The following MAVS variants were observed in gnomAD, a reference collection of about 807,000 sequenced individuals.
The protein encoded by MAVS is mitochondrial antiviral-signaling protein.
Under a neutral mutation model 30.2 loss-of-function variants are expected in MAVS, and 20 were observed. The observed-to-expected ratio is 0.66, with a 90% CI of 0.47 to 0.96. MAVS has a LOEUF of 0.96. Ranked by LOEUF, MAVS falls within the 40% of genes least tolerant of loss-of-function variation. The pLI, the probability that MAVS is intolerant of heterozygous loss-of-function variation, is 0.00. For missense variants in MAVS, 624 were observed against 701.1 expected, an observed-to-expected ratio of 0.89 and a Z score of 1.24; for synonymous variants, 278 against 293.9, an observed-to-expected ratio of 0.95 and a Z score of 0.55.
At position 3,853,253 on chromosome 20, in the gene MAVS, G is replaced by A. The variant is rs2089778028; in HGVS notation, c.-67-1305G>A. On this transcript the variant is annotated intron_variant, in intron 1 of 6. Transcript: ENST00000428216. ...TGTAATCCCAGCACTTTGGGAGGCC[G>A]AGGCGGGCGCATCACGAGGTCAGTA... Among the ~76,000 whole-genome samples, 4 of 150,714 alleles carry A rather than the reference G, an allele frequency of 2.7e-5. No individual in the cohort carries two copies. In the South Asian group the frequency reaches 6.3e-4, roughly 24 times the overall value.
At position 3,855,897 on chromosome 20, in the gene MAVS, G is replaced by GCCT. The variant is rs545405302; in HGVS notation, c.117+1160_117+1162dup. On this transcript the variant is annotated intron_variant, in intron 2 of 6. Transcript: ENST00000428216. ...GGGTTCAAGTGATTCTCGCGCCTCA[G>GCCT]CCTCCTGAGTAGCTGGGGTTACAGG... is the stretch of plus-strand genomic sequence containing the variant. Among the ~76,000 whole-genome samples the GCCT allele has an allele frequency of 5.7e-4, 87 of 152,160 alleles. 1 individual carries two copies. The highest frequency in any genetic ancestry group is 1.1e-3 in the Non-Finnish European group (76 of 68,018).
chr20:3,861,296 A>T (rs1236062087), intron 3 of MAVS, 36 bp from the exon 4 acceptor site: 1 of 1,574,664 alleles, frequency 6.4e-7, no homozygotes, highest in Non-Finnish European at 8.6e-7. Context: ...CCCAGCCCTG[A>T]TTCCTTCTTG....
At chr20:3,849,586 T>C (rs1440196104) in intron 1 of MAVS, among the ~76,000 whole-genome samples, 1 of 152,194 alleles carries the variant, frequency 6.6e-6, no homozygotes, top group Non-Finnish European at 1.5e-5. Flanking sequence ...TTTAGGACTT[T>C]TGCATTTACC....
At chr20:3,858,664 CA>C (rs1286736257) in intron 3 of MAVS, among the ~76,000 whole-genome samples, 351 of 64,598 alleles carry the variant, frequency 5.4e-3, no homozygotes, top group African/African-American at 0.012. Flanking sequence ...GATTCCATCT[CA>C]AAAAAAAAAA....
Position 3,869,724 on chromosome 20 carries a change from C to G in MAVS, c.*3577C>G, listed in dbSNP as rs1428862272. ...GGTTCAAGCAATTCTCCTGCCTCAG[C>G]CTCCCGAGTAGCTGGGATTACAGAG... On this transcript the variant is annotated 3_prime_UTR_variant, in exon 7 of 7. Transcript: ENST00000428216. 2 of 152,270 alleles carry G rather than the reference C, an allele frequency of 1.3e-5. No homozygotes were observed. The highest frequency in any genetic ancestry group is 4.8e-5 in the African/African-American group (2 of 41,420). The allele number at this position is 152,270 out of a possible 1,614,324, so 9.4% of individuals were successfully genotyped here.
intron 4 of MAVS, 37 bp downstream of exon 4, chr20:3,861,541 G>T (rs1800597474): frequency 3.8e-6 from 6 of 1,599,322 alleles, no homozygotes; most frequent in South Asian, 1.1e-5. Flanking sequence ...CACCACTTTT[G>T]TGTTCCTATC....
In MAVS at chr20:3,865,867, G is replaced by T. The variant is rs761926389; in HGVS notation, c.1343G>T (p.Gly448Val). The change falls in exon 7 of 7, where the codon GGC (glycine) becomes GTC (valine). Residue 448 changes from glycine to valine, a missense_variant. Transcript: ENST00000428216. The surrounding 1 kb of genome is among the most constrained non-coding windows in gnomAD (Gnocchi z 4.7). ...DLAISASTSLGMGPCHGPEEN... is the reference protein window; with the variant it reads ...DLAISASTSLVMGPCHGPEEN... ...GCCATCAGTGCCAGCACCTCCTTGGGCATGGGGCCCTGCCATGGCCCAGAG... is the reference window on the plus strand; with the variant it reads ...GCCATCAGTGCCAGCACCTCCTTGGTCATGGGGCCCTGCCATGGCCCAGAG... The T allele has an allele frequency of 6.2e-7, 1 of 1,614,062 alleles. No homozygotes were observed. The highest frequency in any genetic ancestry group is 8.5e-7 in the Non-Finnish European group (1 of 1,180,030).
At chr20:3,863,591 A>G (rs998079245) in intron 5 of MAVS, among the ~76,000 whole-genome samples, 8 of 152,038 alleles carry the variant, frequency 5.3e-5, no homozygotes, top group Non-Finnish European at 8.8e-5. Flanking sequence ...GGAGCTGTAC[A>G]TCAGAATCAC....
chr20:3,861,606 C>A, intron 4 of MAVS, 102 bp downstream of exon 4: 1 of 1,247,636 alleles, frequency 8.0e-7, no homozygotes, highest in Non-Finnish European at 1.1e-6. Flanking sequence ...CCCTATAAAT[C>A]ACGCCTAATC....
chr20:3,864,612 A>G lies in MAVS; in HGVS notation c.982A>G (p.Thr328Ala), dbSNP rs370132622. Residue 328 changes from threonine to alanine, a missense_variant, in exon 6 of 7, where the codon ACT becomes GCT. By Grantham distance (58) the Thr-to-Ala change is moderately conservative (BLOSUM62 0). Transcript: ENST00000428216. ...CAGCACAGTGCCCTCCAAGTTGCCA[A>G]CTAGCTCAAAGCCCCCTGGTGCAGT... is the stretch of plus-strand genomic sequence containing the variant. ...SVSTVPSKLPTSSKPPGAVPS... is the reference protein window; with the variant it reads ...SVSTVPSKLPASSKPPGAVPS... 4.3e-5 allele frequency: 70 copies of G among 1,614,096 alleles called. No individual in the cohort carries two copies. Among genetic ancestry groups the G allele is most frequent in the Admixed American group, 8.3e-5 (5 of 60,002 alleles).
chr20:3,859,951 G>A (rs868044355), intron 3 of MAVS, among the ~76,000 whole-genome samples: 1 of 149,784 alleles, frequency 6.7e-6, no homozygotes, highest in South Asian at 2.1e-4. Context: ...CGAGTAGCTG[G>A]GACTACAGGC....
chr20:3,851,814 G>A (rs2089762371), intron 1 of MAVS, among the ~76,000 whole-genome samples: 1 of 151,832 alleles, frequency 6.6e-6, no homozygotes, highest in Non-Finnish European at 1.5e-5. Flanking sequence ...AATTAACCAG[G>A]TGTGGTGGTG....
chr20:3,866,094 G>T lies in MAVS; in HGVS notation c.1570G>T (p.Gly524Trp). ...GALWLQVAVT[G>W]VLVVTLLVVL... ...TCTGTGGCTCCAGGTGGCTGTGACA[G>T]GGGTGCTGGTAGTCACACTCCTGGT... Residue 524 changes from glycine (G) to tryptophan (W), a missense_variant, in exon 7 of 7, where the codon GGG becomes TGG. Transcript: ENST00000428216. 1 of 1,609,910 alleles carries T rather than the reference G, an allele frequency of 6.2e-7. No homozygotes were observed.
intron 5 of MAVS, among the ~76,000 whole-genome samples, chr20:3,863,389 G>C (rs909171441): frequency 6.6e-6 from 1 of 152,300 alleles, no homozygotes; most frequent in Admixed American, 6.5e-5. Flanking sequence ...AGCAGTTAGA[G>C]GCTGGGAGAC....
chr20:3,859,084 C>A (rs2089838929), intron 3 of MAVS, among the ~76,000 whole-genome samples: 1 of 152,130 alleles, frequency 6.6e-6, no homozygotes, highest in South Asian at 2.1e-4. Context: ...GCCACCGCGT[C>A]TGGCTCTCAT....
At chr20:3,851,267 G>T (rs1204268818) in intron 1 of MAVS, among the ~76,000 whole-genome samples, 1 of 152,108 alleles carries the variant, frequency 6.6e-6, no homozygotes, top group Non-Finnish European at 1.5e-5. Context: ...AGCAGAGGTT[G>T]CAGTGAACCG....
intron 5 of MAVS, among the ~76,000 whole-genome samples, chr20:3,862,799 C>A (rs548553860): frequency 1.5e-4 from 23 of 152,268 alleles, no homozygotes; most frequent in African/African-American, 4.6e-4. Context: ...TCTATGTAGT[C>A]TCTCATCCTC....
Position 3,864,744 on chromosome 20 carries a change from G to A in MAVS, c.1114G>A (p.Val372Met), listed in dbSNP as rs143851853. 41 of 1,614,218 alleles carry A rather than the reference G, an allele frequency of 2.5e-5. No homozygotes were observed. The African/African-American group carries it at 4.8e-4, about 19-fold the overall frequency. Residue 372 changes from valine (V) to methionine (M), a missense_variant, in exon 6 of 7, where the codon GTG becomes ATG. Val to Met is a conservative substitution (Grantham distance 21). Coordinates refer to ENST00000428216, the MANE Select transcript of MAVS (RefSeq NM_020746.5). The stretch of plus-strand genomic sequence containing the variant: ...GCCTACTAGCATGGTGCTCACCAAG[G>A]TGTCTGCCAGCACAGTCCCCACTGA... ...KVPTSMVLTK[V>M]SASTVPTDGS...
intron 1 of MAVS, 77 bp from the exon 2 acceptor site, chr20:3,854,481 G>T: frequency 2.3e-6 from 1 of 442,530 alleles, no homozygotes; most frequent in Non-Finnish European, 4.0e-6. Flanking sequence ...CCAAAAAGTT[G>T]AGAAAGAATT....
Sources: allele counts gnomAD v4.1 joint callset (sites outside exome capture counted in the v4.1 genomes callset), GRCh38; gene constraint gnomAD v4.1.1; non-coding constraint Gnocchi (gnomAD v3.1); transcripts MANE v1.5; gene names NCBI Gene and HGNC (gene_info 2026-07-23, HGNC 2026-07-21).